Variants in SYN2 observed in about 807,000 individuals in gnomAD.
SYN2 encodes the protein synapsin II, also known as synapsin-2.
In SYN2, 19 loss-of-function variants were observed where a neutral mutation model predicts 50.9. The observed-to-expected ratio is 0.37, with a 90% confidence interval of 0.26 to 0.55. The LOEUF (loss-of-function observed/expected upper bound fraction) is 0.55. Among genes scored for constraint, SYN2 ranks in the 20% least tolerant of loss-of-function variants. SYN2 has a pLI of 0.81. For missense variants in SYN2, 587 were observed against 576.4 expected, an observed-to-expected ratio of 1.02 and a Z score of -0.19; for synonymous variants, 255 against 224.9, an observed-to-expected ratio of 1.13 and a Z score of -1.20.
intron 4 of SYN2, among the ~76,000 whole-genome samples, chr3:12,146,296 C>T (rs767159057): frequency 6.6e-6 from 1 of 152,200 alleles, no homozygotes; most frequent in Non-Finnish European, 1.5e-5. Context: ...CAGAGTCCTA[C>T]CAAGTGGTTC....
intron 1 of SYN2, among the ~76,000 whole-genome samples, chr3:12,053,230 C>T (rs978106046): frequency 6.6e-6 from 1 of 151,770 alleles, no homozygotes; most frequent in Admixed American, 6.6e-5. Flanking sequence ...AGACTAGCCT[C>T]ACCAACATGG....
At chr3:12,179,685 G>T (rs1244867953) in intron 10 of SYN2, among the ~76,000 whole-genome samples, 1 of 152,184 alleles carries the variant, frequency 6.6e-6, no homozygotes, top group African/African-American at 2.4e-5. Context: ...GTGTAAAGTT[G>T]TCATTTCGAG....
At chr3:12,048,284 C>T (rs1045219474) in intron 1 of SYN2, among the ~76,000 whole-genome samples, 2 of 152,214 alleles carry the variant, frequency 1.3e-5, no homozygotes, top group African/African-American at 4.8e-5. Flanking sequence ...CCTCCCACCT[C>T]AGCCTCCCGA....
Position 12,116,902 on chromosome 3 carries a change from A to G in SYN2, c.378-23749A>G, listed in dbSNP as rs932574330. ...AGTAGGTGGGACTACAGGCATGCAC[A>G]CCATGCCCAGCTAATTTTTTATTTT... is the stretch of plus-strand genomic sequence containing the variant. On this transcript the variant is annotated intron_variant, in intron 1 of 12. Coordinates refer to ENST00000621198, the MANE Select transcript of SYN2 (RefSeq NM_133625.6). Among the ~76,000 whole-genome samples, 7 of 152,178 alleles carry G rather than the reference A, an allele frequency of 4.6e-5. No homozygotes were observed. The South Asian group carries it at 1.5e-3, about 32-fold the overall frequency.
chr3:12,155,515 G>A (rs2125229016), intron 5 of SYN2, among the ~76,000 whole-genome samples: 1 of 152,316 alleles, frequency 6.6e-6, no homozygotes, highest in Non-Finnish European at 1.5e-5. Flanking sequence ...CAGCCTGGCA[G>A]CATACCTTCT....
intron 2 of SYN2, among the ~76,000 whole-genome samples, chr3:12,141,192 A>G (rs2125216395): frequency 7.0e-6 from 1 of 143,250 alleles, no homozygotes; most frequent in East Asian, 2.1e-4. Flanking sequence ...AATCACTGAA[A>G]GTCCAATTTT....
In SYN2 at chr3:12,004,434, C is replaced by G. The variant is rs1444667566; in HGVS notation, c.-118C>G. ...GGGTCTGGTGCCGGGGCCTGAGTCT[C>G]TGCTGGCTAAGCCGCCGCCTCAGCC... On this transcript the variant is annotated 5_prime_UTR_variant, in exon 1 of 13. Transcript: ENST00000621198. 3 of 286,764 alleles carry G rather than the reference C, an allele frequency of 1.0e-5. No homozygotes were observed. The highest frequency in any genetic ancestry group is 5.2e-5 in the Admixed American group (1 of 19,238). 17.8% of individuals were successfully genotyped at this position (286,764 alleles called of 1,614,324 possible). A position where few individuals can be genotyped will look rare whatever the true frequency, so the allele number is the denominator to read the frequency against.
intron 1 of SYN2, among the ~76,000 whole-genome samples, chr3:12,026,036 ATTG>A (rs975976558): frequency 6.6e-6 from 1 of 152,190 alleles, no homozygotes; most frequent in Non-Finnish European, 1.5e-5. Context: ...CTATTATTAA[ATTG>A]TTGTATGACC....
intron 3 of SYN2, among the ~76,000 whole-genome samples, chr3:12,142,845 C>T (rs1401793353): frequency 6.6e-6 from 1 of 152,172 alleles, no homozygotes; most frequent in African/African-American, 2.4e-5. Context: ...GACAGGCTTC[C>T]AGTGTCCAAC....
chr3:12,004,498 C>A lies in SYN2; in HGVS notation c.-54C>A. The A allele has an allele frequency of 8.6e-6, 4 of 466,166 alleles. No homozygotes were observed. The Admixed American group carries it at 1.4e-4, about 17-fold the overall frequency. The allele number at this position is 466,166 out of a possible 1,614,324, so 28.9% of individuals were successfully genotyped here. On this transcript the variant is annotated 5_prime_UTR_variant, in exon 1 of 13. Transcript: ENST00000621198. ...CAATCTCGCCTTCCGCCCTCGCTCTCCCTCCGCGCCACCAGACCCCGTAGC... is the reference window on the plus strand; with the variant it reads ...CAATCTCGCCTTCCGCCCTCGCTCTACCTCCGCGCCACCAGACCCCGTAGC...
intron 1 of SYN2, among the ~76,000 whole-genome samples, chr3:12,073,310 A>G (rs917330456): frequency 2.6e-5 from 4 of 152,204 alleles, no homozygotes; most frequent in African/African-American, 9.6e-5. Context: ...CCAGCGAGGT[A>G]TAATAGTGGA....
intron 1 of SYN2, among the ~76,000 whole-genome samples, chr3:12,046,754 G>A (rs1258476116): frequency 6.6e-6 from 1 of 152,120 alleles, no homozygotes; most frequent in Non-Finnish European, 1.5e-5. Context: ...ATATTTAATA[G>A]ATCATCAAGA....
intron 1 of SYN2, among the ~76,000 whole-genome samples, chr3:12,007,195 A>T (rs938593021): frequency 6.6e-6 from 1 of 152,194 alleles, no homozygotes; most frequent in Non-Finnish European, 1.5e-5. Flanking sequence ...TGCCCTGGAG[A>T]CTAGAAGCCT....
At chr3:12,109,377 T>C (rs558931229) in intron 1 of SYN2, among the ~76,000 whole-genome samples, 7 of 152,304 alleles carry the variant, frequency 4.6e-5, no homozygotes, top group African/African-American at 1.7e-4. Flanking sequence ...AAAGTCAAAG[T>C]ATGGGTGTTT....
chr3:12,097,463 G>A (rs950633332), intron 1 of SYN2, among the ~76,000 whole-genome samples: 8 of 152,110 alleles, frequency 5.3e-5, no homozygotes, highest in African/African-American at 1.4e-4. Context: ...AAAATTGGCC[G>A]GGTGTGGTGG....
intron 10 of SYN2, 117 bp from the exon 11 acceptor site, chr3:12,183,195 G>A: frequency 7.2e-7 from 1 of 1,389,708 alleles, no homozygotes; most frequent in Non-Finnish European, 9.6e-7. Context: ...AGATCCCACT[G>A]GATCCCACCA....
intron 1 of SYN2, among the ~76,000 whole-genome samples, chr3:12,028,161 T>C (rs1275039294): frequency 3.3e-5 from 5 of 151,010 alleles, no homozygotes; most frequent in African/African-American, 4.9e-5. Context: ...TTACTGAGAA[T>C]GATGGTTTCC....
intron 1 of SYN2, among the ~76,000 whole-genome samples, chr3:12,060,905 A>G (rs1447634376): frequency 6.6e-6 from 1 of 152,208 alleles, no homozygotes; most frequent in Admixed American, 6.5e-5. Context: ...CATCAGAACC[A>G]GCCTCAGATA....
At chr3:12,068,975 A>C (rs1198065873) in intron 1 of SYN2, among the ~76,000 whole-genome samples, 1 of 152,202 alleles carries the variant, frequency 6.6e-6, no homozygotes, top group Non-Finnish European at 1.5e-5. Flanking sequence ...CTGCCTCTAC[A>C]GAGTTGCCTG....
Sources: gnomAD v4.1 joint callset for allele counts (sites outside exome capture counted in the v4.1 genomes callset) on GRCh38, gnomAD v4.1.1 for gene constraint, MANE v1.5 for transcripts, NCBI Gene and HGNC (gene_info 2026-07-23, HGNC 2026-07-21) for gene names.